Variants in TAFA1 observed in about 807,000 individuals in gnomAD.
TAFA1 encodes the protein TAFA chemokine like family member 1.
A neutral mutation model predicts 18.5 loss-of-function variants in TAFA1; 4 were observed. The observed-to-expected ratio is 0.22, with a 90% CI of 0.11 to 0.49. TAFA1 has a LOEUF of 0.49. TAFA1 is among the 20% of genes least tolerant of loss of function. The probability of loss-of-function intolerance (pLI) is 0.98; values close to 1 mark genes in which losing one functional copy is unlikely to be tolerated. For missense variants in TAFA1, 147 were observed against 169.0 expected, an observed-to-expected ratio of 0.87 and a Z score of 0.72; for synonymous variants, 56 against 55.2, an observed-to-expected ratio of 1.01 and a Z score of -0.06.
At chr3:68,525,598 A>G (rs2073100782) in intron 3 of TAFA1, among the ~76,000 whole-genome samples, 1 of 152,224 alleles carries the variant, frequency 6.6e-6, no homozygotes, top group African/African-American at 2.4e-5. Flanking sequence ...TCAAAGGCAT[A>G]TTCCAGAGAT....
Position 68,275,093 on chromosome 3 carries a change from G to A in TAFA1, c.119-142187G>A, listed in dbSNP as rs1461550001. Among the ~76,000 whole-genome samples the A allele has an allele frequency of 5.3e-5, 8 of 151,492 alleles. 1 individual carries two copies. The highest frequency in any genetic ancestry group is 1.2e-4 in the Non-Finnish European group (8 of 67,864). On this transcript the variant is annotated intron_variant, in intron 2 of 4. Coordinates refer to ENST00000478136, the MANE Select transcript of TAFA1 (RefSeq NM_213609.4). ...TTAAGTTTGCAGGATAAAGTTAATT[G>A]AGATATATATATATTAATATGTATT...
chr3:68,206,781 C>T (rs1160070383), intron 2 of TAFA1, among the ~76,000 whole-genome samples: 1 of 151,866 alleles, frequency 6.6e-6, no homozygotes, highest in Non-Finnish European at 1.5e-5. Context: ...CAAGTGCTTC[C>T]GAGCAAAGTG....
intron 2 of TAFA1, 92 bp downstream of exon 2, chr3:68,006,836 A>G: frequency 1.1e-6 from 1 of 930,200 alleles, no homozygotes; most frequent in South Asian, 1.4e-5. Context: ...AAAGTGCTAT[A>G]GTGTGGGCAG....
At chr3:68,458,405 T>C (rs1411111469) in intron 3 of TAFA1, among the ~76,000 whole-genome samples, 1 of 152,194 alleles carries the variant, frequency 6.6e-6, no homozygotes, top group Non-Finnish European at 1.5e-5. Context: ...CTGGTCTTAT[T>C]CTACTACAGG....
At chr3:68,085,054 A>G (rs774868375) in intron 2 of TAFA1, among the ~76,000 whole-genome samples, 1 of 152,184 alleles carries the variant, frequency 6.6e-6, no homozygotes, top group Non-Finnish European at 1.5e-5. Context: ...GTGTGTTCAA[A>G]TGAAACACTT....
At chr3:68,445,617 G>A (rs1377081994) in intron 3 of TAFA1, among the ~76,000 whole-genome samples, 1 of 152,036 alleles carries the variant, frequency 6.6e-6, no homozygotes, top group African/African-American at 2.4e-5. Flanking sequence ...CTTCTATTTG[G>A]ATAAGATGTA....
chr3:68,078,779 T>G lies in TAFA1; in HGVS notation c.118+72035T>G, dbSNP rs4730435. Among the ~76,000 whole-genome samples, 12 of 152,302 alleles carry G rather than the reference T, an allele frequency of 7.9e-5. No individual in the cohort carries two copies. In the South Asian group the frequency reaches 1.2e-3, roughly 16 times the overall value. ...ACATTGGTCTAAAATTCTCTTTTTTTGTTGTGTCTCTGCCTGGCTTTGGTA... is the reference window on the plus strand; with the variant it reads ...ACATTGGTCTAAAATTCTCTTTTTTGGTTGTGTCTCTGCCTGGCTTTGGTA... On this transcript the variant is annotated intron_variant, in intron 2 of 4. Coordinates refer to ENST00000478136, the MANE Select transcript of TAFA1 (RefSeq NM_213609.4).
At chr3:68,174,271 G>T (rs1282878556) in intron 2 of TAFA1, among the ~76,000 whole-genome samples, 1 of 152,200 alleles carries the variant, frequency 6.6e-6, no homozygotes, top group Non-Finnish European at 1.5e-5. Context: ...ATATGGTTTT[G>T]CTGTGTCCCT....
intron 2 of TAFA1, among the ~76,000 whole-genome samples, chr3:68,109,627 C>A (rs2065242386): frequency 6.6e-6 from 1 of 152,030 alleles, no homozygotes; most frequent in South Asian, 2.1e-4. Flanking sequence ...ACTGCATGAC[C>A]AAGAGGAGGC....
intron 3 of TAFA1, among the ~76,000 whole-genome samples, chr3:68,494,942 A>G (rs1459585751): frequency 2.0e-5 from 3 of 152,228 alleles, no homozygotes; most frequent in Non-Finnish European, 2.9e-5. Flanking sequence ...CTGAAAGTCT[A>G]GATTCTTCTC....
chr3:68,437,676 A>G (rs1055089908), intron 3 of TAFA1, among the ~76,000 whole-genome samples: 2 of 152,136 alleles, frequency 1.3e-5, no homozygotes, highest in South Asian at 4.1e-4. Flanking sequence ...GAATTCATTG[A>G]TAAGGGCAGA....
At chr3:68,060,680 G>C (rs77774539) in intron 2 of TAFA1, among the ~76,000 whole-genome samples, 1,986 of 152,230 alleles carry the variant, frequency 0.013, 25 homozygotes, top group Non-Finnish European at 0.018. Context: ...TGTCTCTTGG[G>C]TCAGTCTCTG....
At chr3:68,012,033 G>A (rs150111595) in intron 2 of TAFA1, among the ~76,000 whole-genome samples, 1 of 152,150 alleles carries the variant, frequency 6.6e-6, no homozygotes, top group Non-Finnish European at 1.5e-5. Context: ...TTTAGAAATG[G>A]CAAAAATGAA....
At chr3:68,053,404 T>C (rs1052538389) in intron 2 of TAFA1, among the ~76,000 whole-genome samples, 1 of 152,256 alleles carries the variant, frequency 6.6e-6, no homozygotes, top group African/African-American at 2.4e-5. Flanking sequence ...ATTTAAGCCA[T>C]GAGCATGAAC....
At chr3:68,155,960 T>G (rs1360158934) in intron 2 of TAFA1, among the ~76,000 whole-genome samples, 1 of 152,138 alleles carries the variant, frequency 6.6e-6, no homozygotes, top group Non-Finnish European at 1.5e-5. Flanking sequence ...CAACAGCGGT[T>G]GCAGGCAGGT....
rs2071894204 is a variant in TAFA1, at chr3:68,466,795, CT to C, written c.259+49379del. 2.6e-5 allele frequency among the ~76,000 whole-genome samples: 4 copies of C among 152,172 alleles called. No homozygotes were observed. The South Asian group carries it at 8.3e-4, about 31-fold the overall frequency. On this transcript the variant is annotated intron_variant, in intron 3 of 4. Transcript: ENST00000478136. ...CACCCCTGATATTTCAACGTAGGTTCTTTTCTATTTTCCCTAAGTGTCGGCC... is the reference window on the plus strand; with the variant it reads ...CACCCCTGATATTTCAACGTAGGTTCTTTCTATTTTCCCTAAGTGTCGGCC...
chr3:68,114,958 T>C (rs1484861062), intron 2 of TAFA1, among the ~76,000 whole-genome samples: 2 of 152,190 alleles, frequency 1.3e-5, no homozygotes, highest in African/African-American at 4.8e-5. Flanking sequence ...TTATTCCAAT[T>C]ATATAATGCT....
At chr3:68,390,185 T>C (rs1320698341) in intron 2 of TAFA1, among the ~76,000 whole-genome samples, 1 of 152,082 alleles carries the variant, frequency 6.6e-6, no homozygotes, top group Non-Finnish European at 1.5e-5. Flanking sequence ...GCGTCCGCCA[T>C]TACTGAGGCT....
intron 3 of TAFA1, among the ~76,000 whole-genome samples, chr3:68,535,809 A>G (rs983998163): frequency 1.3e-5 from 2 of 152,068 alleles, no homozygotes; most frequent in Non-Finnish European, 2.9e-5. Context: ...CCATAGTTAA[A>G]AGCAGGTTTT....
Sources: gnomAD v4.1 joint callset for allele counts (sites outside exome capture counted in the v4.1 genomes callset) on GRCh38, gnomAD v4.1.1 for gene constraint, MANE v1.5 for transcripts, NCBI Gene and HGNC (gene_info 2026-07-23, HGNC 2026-07-21) for gene names.